The following RBMS3 variants were observed in gnomAD, a reference collection of about 807,000 sequenced individuals.
The protein encoded by RBMS3 is RNA binding motif single stranded interacting protein 3, also known as RNA-binding motif, single-stranded-interacting protein 3.
In RBMS3, 27 loss-of-function variants were observed where a neutral mutation model predicts 66.8. That is an observed-to-expected ratio of 0.40 (90% CI 0.30 to 0.56). The LOEUF (loss-of-function observed/expected upper bound fraction) is 0.56, where lower values mean the gene tolerates loss of function less well. Ranked by LOEUF, RBMS3 falls within the 20% of genes least tolerant of loss-of-function variation. The pLI is 0.40. For missense variants in RBMS3, 513 were observed against 549.5 expected (o/e 0.93, Z 0.66); for synonymous variants, 188 against 183.0 (o/e 1.03, Z -0.22).
chr3:29,600,443 TTC>T (rs1441571426), intron 4 of RBMS3, among the ~76,000 whole-genome samples: 9 of 152,184 alleles, frequency 5.9e-5, no homozygotes, highest in African/African-American at 2.2e-4. Context: ...ACAGTCTGGC[TTC>T]CCTTTGCTTT....
At chr3:29,778,798 T>C (rs1040977284) in intron 6 of RBMS3, among the ~76,000 whole-genome samples, 4 of 151,916 alleles carry the variant, frequency 2.6e-5, no homozygotes, top group African/African-American at 7.2e-5. Context: ...TACATTAAAC[T>C]ACATAGAGCA....
Position 29,792,319 on chromosome 3 carries a change from G to T in RBMS3, c.637+29330G>T, listed in dbSNP as rs576002690. ...CAAAAGGTAGGTACTAATCCAAACT[G>T]CATTTCACCTCCTAGCAAAGGAGTT... On this transcript the variant is annotated intron_variant, in intron 6 of 14. Transcript: ENST00000383767. Among the ~76,000 whole-genome samples the T allele has an allele frequency of 4.6e-5, 7 of 152,228 alleles. No homozygotes were observed. The South Asian group carries it at 1.0e-3, about 23-fold the overall frequency.
In RBMS3 at chr3:29,512,074, C is replaced by T. The variant is rs555541678; in HGVS notation, c.307+23575C>T. Among the ~76,000 whole-genome samples the T allele has an allele frequency of 6.6e-5, 10 of 152,056 alleles. No homozygotes were observed. In the South Asian group the frequency reaches 2.1e-3, roughly 32 times the overall value. On this transcript the variant is annotated intron_variant, in intron 3 of 14. Coordinates refer to ENST00000383767, the MANE Select transcript of RBMS3 (RefSeq NM_001003793.3). The stretch of plus-strand genomic sequence containing the variant: ...TGTTTCTGACACATTTAGTAAAAGC[C>T]TCCTTTTCCTTATCATTTCTGACTC...
rs574283478 is a variant in RBMS3 at position 29,500,995 on chromosome 3, A to G, written c.307+12496A>G. Among the ~76,000 whole-genome samples the G allele has an allele frequency of 5.9e-5, 9 of 152,322 alleles. No individual in the cohort carries two copies. In the South Asian group the frequency reaches 1.9e-3, roughly 32 times the overall value. Reference sequence around the variant, plus strand: ...AAAGGAATCTTGAAATGAAATCCCCATAGTTCTTTGTAATTAAGCATCTGC... The same window carrying G: ...AAAGGAATCTTGAAATGAAATCCCCGTAGTTCTTTGTAATTAAGCATCTGC... On this transcript the variant is annotated intron_variant, in intron 3 of 14. Coordinates refer to ENST00000383767, the MANE Select transcript of RBMS3 (RefSeq NM_001003793.3).
chr3:29,889,959 A>G (rs773260475), intron 8 of RBMS3, among the ~76,000 whole-genome samples: 1 of 151,634 alleles, frequency 6.6e-6, no homozygotes, highest in Non-Finnish European at 1.5e-5. Context: ...CAAAGCAGCC[A>G]AACTACCCAT....
chr3:29,931,242 CA>C (rs928138132), intron 10 of RBMS3, among the ~76,000 whole-genome samples: 2 of 151,996 alleles, frequency 1.3e-5, no homozygotes, highest in Non-Finnish European at 2.9e-5. Flanking sequence ...ATAGAGATTA[CA>C]AAAGTTGTAT....
At position 29,604,415 on chromosome 3, in the gene RBMS3, A is replaced by G. The variant is rs189464725; in HGVS notation, c.399+17210A>G. 3.3e-5 allele frequency among the ~76,000 whole-genome samples: 5 copies of G among 151,970 alleles called. No individual in the cohort carries two copies. The East Asian group carries it at 9.7e-4, about 29-fold the overall frequency. On this transcript the variant is annotated intron_variant, in intron 4 of 14. Coordinates refer to ENST00000383767, the MANE Select transcript of RBMS3 (RefSeq NM_001003793.3). ...AACCTTAAGCCTTTGTGACACTTCT[A>G]TTTTTTAAGTTTAGTCCTTGGATGC... is the stretch of plus-strand genomic sequence containing the variant.
At chr3:29,663,273 A>G (rs527366646) in intron 4 of RBMS3, among the ~76,000 whole-genome samples, 149 of 152,302 alleles carry the variant, frequency 9.8e-4, no homozygotes, top group Non-Finnish European at 1.6e-3. Context: ...TTTAATTTCT[A>G]TCATCTCCTA....
chr3:29,973,087 T>G (rs528994410), intron 12 of RBMS3, among the ~76,000 whole-genome samples: 2 of 152,222 alleles, frequency 1.3e-5, no homozygotes, highest in South Asian at 4.1e-4. Flanking sequence ...ATTTCTTGAT[T>G]ATTTCAAATT....
At chr3:29,330,845 T>A (rs2035612484) in intron 1 of RBMS3, among the ~76,000 whole-genome samples, 1 of 152,166 alleles carries the variant, frequency 6.6e-6, no homozygotes, top group Admixed American at 6.6e-5. Context: ...TGTCAGTCCA[T>A]AGAAAATTAA....
At chr3:29,936,230 T>A in intron 11 of RBMS3, 34 bp downstream of exon 11, 2 of 1,579,554 alleles carry the variant, frequency 1.3e-6, no homozygotes, top group Non-Finnish European at 1.7e-6. Flanking sequence ...TTCCTTGAAC[T>A]TTTTTGATCA....
chr3:29,763,026 A>G, intron 6 of RBMS3, 37 bp downstream of exon 6: 1 of 1,367,168 alleles, frequency 7.3e-7, no homozygotes. Flanking sequence ...AATGATGCCG[A>G]GGCTTAAATT....
chr3:29,610,539 A>G (rs940466804), intron 4 of RBMS3, among the ~76,000 whole-genome samples: 1 of 152,004 alleles, frequency 6.6e-6, no homozygotes, highest in Non-Finnish European at 1.5e-5. Flanking sequence ...AGCTTCTTGT[A>G]ATTAGCCTGT....
intron 1 of RBMS3, among the ~76,000 whole-genome samples, chr3:29,364,449 T>C (rs180926067): frequency 3.0e-4 from 45 of 152,292 alleles, no homozygotes; most frequent in Non-Finnish European, 6.2e-4. Flanking sequence ...CTAGGTATTC[T>C]TATGCTTCCA....
At chr3:29,472,936 G>A (rs1331950131) in intron 2 of RBMS3, among the ~76,000 whole-genome samples, 2 of 151,742 alleles carry the variant, frequency 1.3e-5, no homozygotes, top group Non-Finnish European at 2.9e-5. Context: ...GATTGGTAGA[G>A]CCGAGTGGTC....
At chr3:29,583,197 C>T (rs9310905) in intron 3 of RBMS3, among the ~76,000 whole-genome samples, 37,553 of 151,902 alleles carry the variant, frequency 0.25, 5,426 homozygotes, top group African/African-American at 0.38. Context: ...AAATGTCCTC[C>T]GTTCAGATTG....
intron 4 of RBMS3, among the ~76,000 whole-genome samples, chr3:29,666,175 A>G (rs1051311359): frequency 1.3e-5 from 2 of 152,166 alleles, no homozygotes; most frequent in African/African-American, 4.8e-5. Flanking sequence ...ATGTCACTTG[A>G]TAAGTTGACC....
chr3:30,006,691 T>A lies in RBMS3; in HGVS notation c.*2829T>A, dbSNP rs1409520501. 6.6e-6 allele frequency: 1 copy of A among 151,982 alleles called. No individual in the cohort carries two copies. Among genetic ancestry groups the A allele is most frequent in the Non-Finnish European group, 1.5e-5 (1 of 67,894 alleles). The allele number at this position is 151,982 out of a possible 1,614,324, so 9.4% of individuals were successfully genotyped here. ...TAAGGATTATCCTGGGCATAATTCA[T>A]TTGAATATGAAACCAACATACTTTC... On this transcript the variant is annotated 3_prime_UTR_variant, in exon 15 of 15. Transcript: ENST00000383767.
At chr3:29,456,176 A>G (rs1408759763) in intron 2 of RBMS3, among the ~76,000 whole-genome samples, 2 of 152,212 alleles carry the variant, frequency 1.3e-5, no homozygotes, top group African/African-American at 4.8e-5. Context: ...TCTGTGGAGT[A>G]TTTTATAAAT....
Sources: gnomAD v4.1 joint callset for allele counts (sites outside exome capture counted in the v4.1 genomes callset) on GRCh38, gnomAD v4.1.1 for gene constraint, MANE v1.5 for transcripts, NCBI Gene and HGNC (gene_info 2026-07-23, HGNC 2026-07-21) for gene names.